Variants in TPO observed in about 807,000 individuals in gnomAD.
The protein encoded by TPO is thyroid peroxidase, also known as thyroid microsomal antigen.
A neutral mutation model predicts 96.9 loss-of-function variants in TPO; 78 were observed. The observed-to-expected ratio is 0.81, with a 90% CI of 0.67 to 0.97. The LOEUF is 0.97. TPO is among the 50% of genes least tolerant of loss of function. The pLI, the probability that TPO is intolerant of heterozygous loss-of-function variation, is 0.00. For synonymous variants in TPO, 547 were observed against 538.0 expected (o/e 1.02, Z -0.23); for missense variants, 1,252 against 1,274.8 (o/e 0.98, Z 0.27).
intron 15 of TPO, among the ~76,000 whole-genome samples, chr2:1,537,623 C>G (rs1231418648): frequency 2.4e-5 from 3 of 127,496 alleles, no homozygotes; most frequent in African/African-American, 9.5e-5. Flanking sequence ...AATCACCCCG[C>G]TGTGTGCAAC....
chr2:1,404,385 C>A (rs1474069215), intron 1 of TPO, among the ~76,000 whole-genome samples: 2 of 152,218 alleles, frequency 1.3e-5, no homozygotes, highest in Non-Finnish European at 1.5e-5. Context: ...TCTTTTACTG[C>A]AGCCTGTTTG....
intron 3 of TPO, 118 bp downstream of exon 3, chr2:1,423,247 T>A (rs1663972285): frequency 1.1e-6 from 1 of 903,310 alleles, no homozygotes; most frequent in African/African-American, 1.6e-5. Flanking sequence ...AGCTTGCCAT[T>A]GTTAATTTAC....
At chr2:1,430,761 A>G (rs1017343207) in intron 3 of TPO, among the ~76,000 whole-genome samples, 1 of 152,242 alleles carries the variant, frequency 6.6e-6, no homozygotes, top group African/African-American at 2.4e-5. Context: ...TTTAAGATTT[A>G]ATGAATTGCC....
At chr2:1,383,524 C>G (rs1159468822) in intron 1 of TPO, among the ~76,000 whole-genome samples, 1 of 152,188 alleles carries the variant, frequency 6.6e-6, no homozygotes, top group East Asian at 1.9e-4. Context: ...TAAATGTCTT[C>G]TTTTGAGAAG....
chr2:1,433,286 C>A, intron 3 of TPO, 152 bp from the exon 4 acceptor site: 1 of 909,336 alleles, frequency 1.1e-6, no homozygotes, highest in Non-Finnish European at 1.7e-6. Flanking sequence ...ACAGCAACTG[C>A]ACATGTTTTA....
chr2:1,523,584 TC>T (rs1407280089), intron 15 of TPO, among the ~76,000 whole-genome samples: 2 of 47,084 alleles, frequency 4.2e-5, no homozygotes. Flanking sequence ...CCTCCCCAAA[TC>T]CCCCACACTG....
At chr2:1,455,011 A>AGG (rs1417304091) in intron 6 of TPO, among the ~76,000 whole-genome samples, 1 of 152,180 alleles carries the variant, frequency 6.6e-6, no homozygotes, top group Admixed American at 6.5e-5. Context: ...TGGAAGCTCC[A>AGG]GGGGAGATCC....
At chr2:1,519,777 T>C (rs1052778170) in intron 15 of TPO, among the ~76,000 whole-genome samples, 1 of 152,182 alleles carries the variant, frequency 6.6e-6, no homozygotes, top group African/African-American at 2.4e-5. Context: ...TCATAAACAA[T>C]TTTGTATTTG....
At chr2:1,497,999 A>AAC (rs2124957965) in intron 13 of TPO, among the ~76,000 whole-genome samples, 1 of 151,680 alleles carries the variant, frequency 6.6e-6, no homozygotes, top group Admixed American at 6.6e-5. Flanking sequence ...ACCAAAAAAA[A>AAC]AAAAAAAAAA....
chr2:1,496,733 A>G lies in TPO; in HGVS notation c.2354A>G (p.Glu785Gly). 3.7e-6 allele frequency: 6 copies of G among 1,614,092 alleles called. No homozygotes were observed. The highest frequency in any genetic ancestry group is 5.1e-6 in the Non-Finnish European group (6 of 1,180,016). The change falls in exon 13 of 17, where the codon GAA (glutamate) becomes GGA (glycine). Residue 785 changes from glutamate to glycine, a missense_variant. Transcript: ENST00000329066. ...QGREQLTCTQEGWDFQPPLCK... is the reference protein window; with the variant it reads ...QGREQLTCTQGGWDFQPPLCK... ...CGGGAGCAGCTCACTTGCACCCAGG[A>G]AGGATGGGATTTCCAGCCTCCCCTC... is the stretch of plus-strand genomic sequence containing the variant.
At position 1,528,737 on chromosome 2, in the gene TPO, C is replaced by CCAAATCCCCCACACTGTGTGCAGCCTCCT. The variant is rs1433025885; in HGVS notation, c.2618+11766_2618+11794dup. ...ATCCCACCCACTCTGTGCAACCTCC[C>CCAAATCCCCCACACTGTGTGCAGCCTCCT]CAAATCCCCCACACTGTGTGCAGCC... On this transcript the variant is annotated intron_variant, in intron 15 of 16. Transcript: ENST00000329066. Among the ~76,000 whole-genome samples the CCAAATCCCCCACACTGTGTGCAGCCTCCT allele has an allele frequency of 2.1e-5, 3 of 141,194 alleles. 1 individual carries two copies. The highest frequency in any genetic ancestry group is 4.8e-4 in the East Asian group (2 of 4,160). 92.6% of individuals were successfully genotyped at this position (141,194 alleles called of 152,430 possible). A position where few individuals can be genotyped will look rare whatever the true frequency, so the allele number is the denominator to read the frequency against.
At chr2:1,469,186 C>A (rs1669156155) in intron 7 of TPO, among the ~76,000 whole-genome samples, 2 of 152,132 alleles carry the variant, frequency 1.3e-5, no homozygotes, top group African/African-American at 2.4e-5. Flanking sequence ...TAATAATTAA[C>A]CTTCTGAATT....
chr2:1,425,302 C>G (rs1302827737), intron 3 of TPO, among the ~76,000 whole-genome samples: 1 of 152,252 alleles, frequency 6.6e-6, no homozygotes, highest in African/African-American at 2.4e-5. Flanking sequence ...TGCCGGGATA[C>G]AGAGATGAGT....
chr2:1,432,466 G>A (rs962374001), intron 3 of TPO, among the ~76,000 whole-genome samples: 3 of 152,108 alleles, frequency 2.0e-5, no homozygotes, highest in African/African-American at 7.2e-5. Context: ...GGGAGACCAG[G>A]AGTAAGGGGA....
intron 15 of TPO, among the ~76,000 whole-genome samples, chr2:1,536,906 A>T (rs1679804462): frequency 1.0e-5 from 1 of 96,884 alleles, no homozygotes; most frequent in Non-Finnish European, 1.9e-5. Context: ...CCAAATCCCA[A>T]CTGTTTGCAA....
intron 15 of TPO, among the ~76,000 whole-genome samples, chr2:1,528,819 T>C (rs1573579814): frequency 4.8e-5 from 2 of 41,242 alleles, no homozygotes; most frequent in Non-Finnish European, 4.6e-5. Context: ...GTGAGCAACC[T>C]CCCCAAATCC....
intron 7 of TPO, among the ~76,000 whole-genome samples, chr2:1,469,467 A>G (rs1256559261): frequency 3.3e-5 from 5 of 152,048 alleles, no homozygotes; most frequent in Admixed American, 3.3e-4. Flanking sequence ...AGGTGTAGTT[A>G]TTGTTATCTC....
chr2:1,508,883 C>A (rs1417300583), intron 14 of TPO, among the ~76,000 whole-genome samples: 4 of 152,166 alleles, frequency 2.6e-5, no homozygotes, highest in Admixed American at 2.6e-4. Context: ...ATCTCTATTT[C>A]CTTCAGTTCT....
chr2:1,476,051 G>T (rs1375236132), intron 7 of TPO, among the ~76,000 whole-genome samples: 2 of 152,218 alleles, frequency 1.3e-5, no homozygotes, highest in African/African-American at 4.8e-5. Context: ...CTGCTGGCTC[G>T]CTGGCCGCAT....
Sources: allele counts gnomAD v4.1 joint callset (sites outside exome capture counted in the v4.1 genomes callset), GRCh38; gene constraint gnomAD v4.1.1; transcripts MANE v1.5; gene names NCBI Gene and HGNC (gene_info 2026-07-23, HGNC 2026-07-21).